Variants in ZFR observed in about 807,000 individuals in gnomAD.
ZFR encodes the protein zinc finger RNA binding protein, also known as zinc finger RNA-binding protein.
ZFR carries 19 observed loss-of-function variants against 130.7 expected under a neutral mutation model. That is an observed-to-expected ratio of 0.15 (90% confidence interval 0.10 to 0.21). The LOEUF (loss-of-function observed/expected upper bound fraction) is 0.21. ZFR is among the 10% of genes least tolerant of loss of function. The pLI is 1.00. For missense variants in ZFR, 872 were observed against 1,321.5 expected, an observed-to-expected ratio of 0.66 and a Z score of 5.27; for synonymous variants, 466 against 456.9, an observed-to-expected ratio of 1.02 and a Z score of -0.25.
At chr5:32,409,173 G>A (rs780695934) in intron 5 of ZFR, among the ~76,000 whole-genome samples, 10 of 152,118 alleles carry the variant, frequency 6.6e-5, no homozygotes, top group Non-Finnish European at 1.3e-4. Context: ...ACAGGAATAA[G>A]GAAATTTAAC....
chr5:32,368,768 C>G (rs923172864), intron 17 of ZFR, among the ~76,000 whole-genome samples: 40 of 152,320 alleles, frequency 2.6e-4, no homozygotes, highest in African/African-American at 8.9e-4. Flanking sequence ...AAGTGATGCT[C>G]TAAGTCTTCA....
intron 4 of ZFR, among the ~76,000 whole-genome samples, chr5:32,415,521 C>CGCGCGCGT (rs1554073617): frequency 1.3e-4 from 9 of 71,678 alleles, no homozygotes; most frequent in Admixed American, 4.3e-4. Flanking sequence ...TGTGTGCGCG[C>CGCGCGCGT]GCGCGCGCGC....
intron 11 of ZFR, chr5:32,394,442 C>A (rs1753251100): frequency 6.0e-6 from 1 of 167,978 alleles, no homozygotes; most frequent in African/African-American, 2.4e-5. Flanking sequence ...TCATCTGGCA[C>A]AAACCGCGAT....
chr5:32,384,995 T>C (rs1753013635), intron 15 of ZFR, among the ~76,000 whole-genome samples: 1 of 152,130 alleles, frequency 6.6e-6, no homozygotes, highest in African/African-American at 2.4e-5. Flanking sequence ...CTCAGAGAAC[T>C]AGAAATATTT....
In ZFR at chr5:32,415,523, C is replaced by CGCGT. The variant is rs1554073621; in HGVS notation, c.566-337_566-336insACGC. On this transcript the variant is annotated intron_variant, in intron 4 of 19. Coordinates refer to ENST00000265069, the MANE Select transcript of ZFR (RefSeq NM_016107.5). ...GTGTGTGTGTGTGTGTGTGCGCGCG[C>CGCGT]GCGCGCGCGCACTAGTCAGTCTACT... Among the ~76,000 whole-genome samples the CGCGT allele has an allele frequency of 8.5e-3, 1,118 of 132,060 alleles. 4 individuals carry two copies. Among genetic ancestry groups the CGCGT allele is most frequent in the African/African-American group, 0.017 (592 of 34,522 alleles). 86.6% of individuals were successfully genotyped at this position (132,060 alleles called of 152,430 possible). A position where few individuals can be genotyped will look rare whatever the true frequency, so the allele number is the denominator to read the frequency against.
chr5:32,431,858 C>T (rs1358964209), intron 2 of ZFR, among the ~76,000 whole-genome samples: 1 of 151,970 alleles, frequency 6.6e-6, no homozygotes, highest in African/African-American at 2.4e-5. Context: ...GTTTTTTAAC[C>T]CAACAGGGTT....
chr5:32,360,526 AAT>A (rs1561855247), intron 19 of ZFR, among the ~76,000 whole-genome samples: 1 of 152,228 alleles, frequency 6.6e-6, no homozygotes, highest in Non-Finnish European at 1.5e-5. Context: ...CTGGCTGAAT[AAT>A]ATTCTAACGT....
At chr5:32,409,556 C>A (rs1753652936) in intron 5 of ZFR, among the ~76,000 whole-genome samples, 1 of 151,906 alleles carries the variant, frequency 6.6e-6, no homozygotes, top group African/African-American at 2.4e-5. Context: ...CAGGCGTGTA[C>A]CACCATACCT....
intron 19 of ZFR, among the ~76,000 whole-genome samples, chr5:32,360,208 T>C (rs906840494): frequency 1.3e-5 from 2 of 152,236 alleles, no homozygotes; most frequent in African/African-American, 4.8e-5. Context: ...TAGCCTTCAA[T>C]GTAACTGGAC....
chr5:32,444,578 G>C, intron 1 of ZFR, 44 bp downstream of exon 1: 2 of 1,456,336 alleles, frequency 1.4e-6, no homozygotes, highest in South Asian at 1.4e-5. Flanking sequence ...CCCGGGGCCA[G>C]GGAGGGGGCC....
At chr5:32,384,533 A>G (rs1455881948) in intron 15 of ZFR, among the ~76,000 whole-genome samples, 1 of 152,216 alleles carries the variant, frequency 6.6e-6, no homozygotes, top group African/African-American at 2.4e-5. Context: ...GAGACTACTG[A>G]TGCTATTTTA....
At chr5:32,393,783 A>G (rs1753234041) in intron 11 of ZFR, among the ~76,000 whole-genome samples, 1 of 152,208 alleles carries the variant, frequency 6.6e-6, no homozygotes, top group Admixed American at 6.5e-5. Flanking sequence ...ATAGGCAGAC[A>G]TGTGAGCATC....
chr5:32,431,899 TC>T (rs1392695272), intron 2 of ZFR, among the ~76,000 whole-genome samples: 2 of 152,034 alleles, frequency 1.3e-5, no homozygotes, highest in African/African-American at 2.4e-5. Flanking sequence ...AGTGGCAAGA[TC>T]ATGGCTCACT....
At chr5:32,376,979 C>CAA (rs1336396155) in intron 17 of ZFR, among the ~76,000 whole-genome samples, 1 of 147,622 alleles carries the variant, frequency 6.8e-6, no homozygotes, top group Non-Finnish European at 1.5e-5. Context: ...TGAAAAAAAA[C>CAA]CCCTGTCTCT....
intron 12 of ZFR, among the ~76,000 whole-genome samples, chr5:32,389,673 T>G (rs748814808): frequency 5.9e-5 from 9 of 152,116 alleles, no homozygotes; most frequent in Non-Finnish European, 1.3e-4. Flanking sequence ...CCTGCTCATG[T>G]AAGGAAAACC....
chr5:32,370,195 G>A (rs866733729), intron 17 of ZFR, among the ~76,000 whole-genome samples: 1 of 150,188 alleles, frequency 6.7e-6, no homozygotes, highest in African/African-American at 2.5e-5. Context: ...TTGAGTACCT[G>A]GGACTACAGG....
chr5:32,388,408 T>G (rs1353693068), intron 13 of ZFR, 61 bp downstream of exon 13: 1 of 1,483,522 alleles, frequency 6.7e-7, no homozygotes, highest in Non-Finnish European at 9.3e-7. Flanking sequence ...ATATTTCAAA[T>G]GTAAGAAGTC....
intron 5 of ZFR, among the ~76,000 whole-genome samples, 162 bp downstream of exon 5, chr5:32,414,807 T>C (rs1291933649): frequency 6.6e-6 from 1 of 152,186 alleles, no homozygotes; most frequent in Non-Finnish European, 1.5e-5. Flanking sequence ...CAAAAAAGCA[T>C]ACAATTTACA....
chr5:32,414,570 A>G (rs2111806832), intron 5 of ZFR, among the ~76,000 whole-genome samples: 1 of 152,378 alleles, frequency 6.6e-6, no homozygotes. Flanking sequence ...CTGATAATAA[A>G]TAGCTCTTCG....
Sources: gnomAD v4.1 joint callset for allele counts (sites outside exome capture counted in the v4.1 genomes callset) on GRCh38, gnomAD v4.1.1 for gene constraint, MANE v1.5 for transcripts, NCBI Gene and HGNC (gene_info 2026-07-23, HGNC 2026-07-21) for gene names.